TMEM117: variants seen among roughly 807,000 people sequenced by gnomAD.
TMEM117 encodes transmembrane protein 117.
TMEM117 carries 27 observed loss-of-function variants against 52.4 expected under a neutral mutation model. The ratio of observed to expected loss-of-function variants is 0.51; its 90% CI spans 0.38 to 0.71. The LOEUF (loss-of-function observed/expected upper bound fraction) is 0.71. TMEM117 is among the 30% of genes least tolerant of loss of function. The pLI is 0.00. For synonymous variants in TMEM117, 215 were observed against 206.3 expected, an observed-to-expected ratio of 1.04 and a Z score of -0.36; for missense variants, 556 against 630.5, an observed-to-expected ratio of 0.88 and a Z score of 1.26.
At chr12:43,800,376 G>A in the TMEM117 span, 3 of 1,261,142 alleles carry the variant, frequency 2.4e-6, no homozygotes, top group Non-Finnish European at 3.4e-6. Context: ...CCATTACCTA[G>A]GAGTTCCTCT....
chr12:44,195,789 C>T (rs764353505), intron 4 of TMEM117, among the ~76,000 whole-genome samples: 5 of 151,994 alleles, frequency 3.3e-5, no homozygotes, highest in Admixed American at 6.6e-5. Context: ...TATGGTAGCT[C>T]ATGCCTGTAA....
chr12:44,166,479 AC>A (rs1231040717), intron 4 of TMEM117, among the ~76,000 whole-genome samples: 1 of 152,180 alleles, frequency 6.6e-6, no homozygotes, highest in Non-Finnish European at 1.5e-5. Context: ...ATGCTAAAAA[AC>A]AACTTGATTT....
intron 4 of TMEM117, among the ~76,000 whole-genome samples, chr12:44,153,505 C>T (rs112590767): frequency 4.6e-5 from 7 of 151,916 alleles, no homozygotes; most frequent in African/African-American, 7.3e-5. Context: ...ATAACCATCA[C>T]GTCTCAGCCA....
intron 2 of TMEM117, among the ~76,000 whole-genome samples, chr12:43,851,116 T>G (rs1675766): frequency 0.028 from 4,231 of 152,182 alleles, 106 homozygotes; most frequent in Non-Finnish European, 0.037. Flanking sequence ...TTCCTTCATT[T>G]ATTTTGTTAT....
chr12:44,304,499 G>C (rs1950879963), intron 6 of TMEM117, among the ~76,000 whole-genome samples: 1 of 152,140 alleles, frequency 6.6e-6, no homozygotes, highest in African/African-American at 2.4e-5. Flanking sequence ...GGGTGGCCAA[G>C]GGAGTGCTTG....
chr12:44,064,549 T>A (rs56355753), intron 3 of TMEM117, among the ~76,000 whole-genome samples: 14,577 of 152,150 alleles, frequency 0.096, 1,114 homozygotes, highest in African/African-American at 0.21. Flanking sequence ...GCTTTGTTAG[T>A]CAAGACTTCT....
At chr12:43,924,513 T>C (rs1944747195) in intron 2 of TMEM117, among the ~76,000 whole-genome samples, 1 of 152,192 alleles carries the variant, frequency 6.6e-6, no homozygotes, top group African/African-American at 2.4e-5. Context: ...ATTTAATTAT[T>C]TCAAGTATTT....
chr12:44,224,674 C>T (rs1246578895), intron 5 of TMEM117, among the ~76,000 whole-genome samples: 1 of 152,084 alleles, frequency 6.6e-6, no homozygotes, highest in Non-Finnish European at 1.5e-5. Context: ...AACTCTATCG[C>T]CATGTAAGTG....
chr12:43,879,169 A>T (rs56134007), intron 2 of TMEM117, among the ~76,000 whole-genome samples: 7,046 of 152,310 alleles, frequency 0.046, 207 homozygotes, highest in Middle Eastern at 0.13. Context: ...TGCGAGCCTC[A>T]GAATTCAAAA....
chr12:43,828,050 T>G, the TMEM117 span, among the ~76,000 whole-genome samples: 1 of 152,330 alleles, frequency 6.6e-6, no homozygotes, highest in Non-Finnish European at 1.5e-5. Context: ...GTGATCCTAC[T>G]GGCACAGATA....
chr12:44,023,557 G>A (rs113728795), intron 3 of TMEM117, among the ~76,000 whole-genome samples: 14,503 of 151,824 alleles, frequency 0.096, 1,101 homozygotes, highest in African/African-American at 0.2. Flanking sequence ...GTTTTGATTC[G>A]CATTTCTCTG....
rs535952070 is a variant in TMEM117 at position 43,969,204 on chromosome 12, A to G, written c.410+24862A>G. On this transcript the variant is annotated intron_variant, in intron 3 of 7. Coordinates refer to ENST00000266534, the MANE Select transcript of TMEM117 (RefSeq NM_032256.3). ...ATAGATATCTGTTAGTGTACAGTAC[A>G]GATTTATCAACCCTTTAAAACTTAA... Among the ~76,000 whole-genome samples the G allele has an allele frequency of 3.9e-5, 6 of 151,950 alleles. No individual in the cohort carries two copies. In the South Asian group the frequency reaches 1.0e-3, roughly 26 times the overall value.
In TMEM117 at chr12:44,292,905, C is replaced by T. The variant is rs1025538154; in HGVS notation, c.609-6675C>T. 4.6e-5 allele frequency among the ~76,000 whole-genome samples: 7 copies of T among 151,980 alleles called. No individual in the cohort carries two copies. The East Asian group carries it at 1.3e-3, about 29-fold the overall frequency. Reference sequence around the variant, plus strand: ...CTGGAGAAGAAGGTTCATTTTGCTGCTTCAGATGGAATGTTTTGAATATAT... The same window carrying T: ...CTGGAGAAGAAGGTTCATTTTGCTGTTTCAGATGGAATGTTTTGAATATAT... On this transcript the variant is annotated intron_variant, in intron 5 of 7. Coordinates refer to ENST00000266534, the MANE Select transcript of TMEM117 (RefSeq NM_032256.3).
At chr12:44,314,198 G>A (rs768663093) in intron 6 of TMEM117, among the ~76,000 whole-genome samples, 11 of 152,128 alleles carry the variant, frequency 7.2e-5, no homozygotes, top group Admixed American at 1.3e-4. Context: ...AATACTTCCA[G>A]CTTTTGCCCA....
intron 2 of TMEM117, among the ~76,000 whole-genome samples, chr12:43,902,692 C>T (rs1348321511): frequency 6.6e-6 from 1 of 152,110 alleles, no homozygotes; most frequent in Admixed American, 6.5e-5. Flanking sequence ...CATGATGACC[C>T]AGAGGAGCCA....
chr12:44,227,659 G>A (rs1466461541), intron 5 of TMEM117, among the ~76,000 whole-genome samples: 6 of 151,942 alleles, frequency 3.9e-5, no homozygotes, highest in South Asian at 4.2e-4. Flanking sequence ...TATATATGTC[G>A]CATTTTCATA....
chr12:44,009,642 G>T (rs1249985298), intron 3 of TMEM117: 2 of 238,396 alleles, frequency 8.4e-6, no homozygotes, highest in Non-Finnish European at 1.8e-5. Context: ...ACTCGCTTTG[G>T]TTAGGGCTCC....
rs146772192 is a variant in TMEM117, at chr12:44,238,856, T to G, written c.608+27469T>G. Among the ~76,000 whole-genome samples, 427 of 152,322 alleles carry G rather than the reference T, an allele frequency of 2.8e-3. 5 individuals are homozygous for G. Among genetic ancestry groups the G allele is most frequent in the African/African-American group, 9.8e-3 (406 of 41,582 alleles). ...TTATCAACTTATCTTTTAAGACAAA[T>G]GCACTCAATTGATCATGGTATACCA... is the stretch of plus-strand genomic sequence containing the variant. On this transcript the variant is annotated intron_variant, in intron 5 of 7. Coordinates refer to ENST00000266534, the MANE Select transcript of TMEM117 (RefSeq NM_032256.3).
At chr12:43,851,540 G>C (rs1943308285) in intron 2 of TMEM117, among the ~76,000 whole-genome samples, 1 of 152,078 alleles carries the variant, frequency 6.6e-6, no homozygotes, top group Non-Finnish European at 1.5e-5. Context: ...TCCATGAATA[G>C]AGACATCCAA....
Sources: allele counts gnomAD v4.1 joint callset (sites outside exome capture counted in the v4.1 genomes callset), GRCh38; gene constraint gnomAD v4.1.1; transcripts MANE v1.5; gene names NCBI Gene and HGNC (gene_info 2026-07-23, HGNC 2026-07-21).